The following PDE4A variants were observed in gnomAD, a reference collection of about 807,000 sequenced individuals.
PDE4A encodes phosphodiesterase 4A.
In PDE4A, 21 loss-of-function variants were observed where a neutral mutation model predicts 73.9. That is an observed-to-expected ratio of 0.28 (90% CI 0.20 to 0.41). The LOEUF is 0.41. Among genes scored for constraint, PDE4A ranks in the 10% least tolerant of loss-of-function variants. The pLI is 1.00. For missense variants in PDE4A, 958 were observed against 1,211.4 expected (o/e 0.79, Z 3.10); for synonymous variants, 463 against 505.4 (o/e 0.92, Z 1.13).
intron 1 of PDE4A, chr19:10,431,008 C>A (rs772476359): frequency 6.3e-7 from 1 of 1,579,008 alleles, no homozygotes. Context: ...TTCGCCAGCC[C>A]GTCCCCAACT....
At position 10,431,123 on chromosome 19, in the gene PDE4A, C is replaced by T. The variant is rs777384987; in HGVS notation, c.320+10039C>T. On this transcript the variant is annotated intron_variant, in intron 1 of 14. Coordinates refer to ENST00000380702, the MANE Select transcript of PDE4A (RefSeq NM_001111307.2). Reference sequence around the variant, plus strand: ...GCTGGTGGCCGTGGGTTCAAGTCGCCCCTGGCCACCTGGCGCACTCCAGGG... The same window carrying T: ...GCTGGTGGCCGTGGGTTCAAGTCGCTCCTGGCCACCTGGCGCACTCCAGGG... The T allele has an allele frequency of 3.6e-6, 5 of 1,402,282 alleles. No homozygotes were observed. In the South Asian group the frequency reaches 7.1e-5, roughly 20 times the overall value. The allele number at this position is 1,402,282 out of a possible 1,614,324, so 86.9% of individuals were successfully genotyped here. A position where few individuals can be genotyped will look rare whatever the true frequency, so the allele number is the denominator to read the frequency against.
At chr19:10,461,501 C>T in intron 11 of PDE4A, 25 bp from the exon 12 acceptor site, 1 of 1,611,758 alleles carries the variant, frequency 6.2e-7, no homozygotes, top group Non-Finnish European at 8.5e-7. Context: ...GTGGGCCCTC[C>T]CCTGACCTCC....
intron 2 of PDE4A, 121 bp from the exon 3 acceptor site, chr19:10,448,796 C>T: frequency 6.5e-7 from 1 of 1,531,854 alleles, no homozygotes; most frequent in Admixed American, 2.1e-5. Flanking sequence ...GTGTTCTTTC[C>T]CTAGGTCCCA....
chr19:10,436,932 G>A (rs540509682), intron 1 of PDE4A, among the ~76,000 whole-genome samples: 8 of 152,132 alleles, frequency 5.3e-5, no homozygotes, highest in African/African-American at 1.7e-4. Context: ...CCAGCTACTC[G>A]AGAGACTGAG....
At chr19:10,441,684 A>G (rs201229274) in intron 1 of PDE4A, among the ~76,000 whole-genome samples, 5 of 92,730 alleles carry the variant, frequency 5.4e-5, no homozygotes. Flanking sequence ...ATTTTGAGTT[A>G]TTTTTTTTTT....
rs2043128585 is a variant in PDE4A, at chr19:10,453,631, T to C, written c.784-1198T>C. Among the ~76,000 whole-genome samples the C allele has an allele frequency of 6.6e-6, 1 of 152,102 alleles. No individual in the cohort carries two copies. Among genetic ancestry groups the C allele is most frequent in the African/African-American group, 2.4e-5 (1 of 41,394 alleles). ...GTTTGCCTGGGTCACTGTGTGGCCC[T>C]GTCTGAGATCATCTGGCTCTGACCA... On this transcript the variant is annotated intron_variant, in intron 6 of 14. Transcript: ENST00000380702. This position sits in a 1 kb window ranked among gnomAD's most constrained non-coding sequence, Gnocchi z 4.6.
intron 1 of PDE4A, 177 bp downstream of exon 1, chr19:10,421,261 G>A: frequency 5.1e-6 from 5 of 985,384 alleles, no homozygotes; most frequent in Non-Finnish European, 6.0e-6. Context: ...GCGCTCTACG[G>A]GAGGCTTCCT....
chr19:10,431,108 G>T, intron 1 of PDE4A: 1 of 1,466,226 alleles, frequency 6.8e-7, no homozygotes, highest in Non-Finnish European at 9.0e-7. Flanking sequence ...GCTGGTGGCC[G>T]TGGGTTCAAG....
intron 1 of PDE4A, among the ~76,000 whole-genome samples, chr19:10,441,553 C>T (rs1201052237): frequency 6.6e-6 from 1 of 152,056 alleles, no homozygotes; most frequent in Admixed American, 6.6e-5. Flanking sequence ...TTGAAGTCCA[C>T]TTGTTTGTTA....
rs199806852 is a variant in PDE4A at position 10,421,097 on chromosome 19, G to T, written c.320+13G>T. On this transcript the variant is annotated intron_variant, in intron 1 of 14. Coordinates refer to ENST00000380702, the MANE Select transcript of PDE4A (RefSeq NM_001111307.2). ...GCAGCAGCAGGCGGTAAGACTCCCC[G>T]CGGCGGATGCGCGCGGAACGGATGG... 9.0e-5 allele frequency: 122 copies of T among 1,362,446 alleles called. No homozygotes were observed. Among genetic ancestry groups the T allele is most frequent in the Non-Finnish European group, 1.1e-4 (116 of 1,065,856 alleles). 84.4% of individuals were successfully genotyped at this position (1,362,446 alleles called of 1,614,324 possible).
rs566395241 is a variant in PDE4A, at chr19:10,433,693, A to G, written c.321-12525A>G. On this transcript the variant is annotated intron_variant, in intron 1 of 14. Coordinates refer to ENST00000380702, the MANE Select transcript of PDE4A (RefSeq NM_001111307.2). ...CAGTCTCTTACATACTCAGCCCCCCAAAGAGCTGTGTCACCTGGCACTACG... is the reference window on the plus strand; with the variant it reads ...CAGTCTCTTACATACTCAGCCCCCCGAAGAGCTGTGTCACCTGGCACTACG... Among the ~76,000 whole-genome samples, 94 of 152,272 alleles carry G rather than the reference A, an allele frequency of 6.2e-4. 1 individual carries two copies. Among genetic ancestry groups the G allele is most frequent in the African/African-American group, 2.2e-3 (92 of 41,540 alleles).
rs1237820813 is a variant in PDE4A, at chr19:10,462,401, G to A, written c.1743+402G>A. 4.8e-4 allele frequency among the ~76,000 whole-genome samples: 39 copies of A among 81,698 alleles called. No homozygotes were observed. In the East Asian group the frequency reaches 5.3e-3, roughly 11 times the overall value. 53.6% of individuals were successfully genotyped at this position (81,698 alleles called of 152,430 possible). On this transcript the variant is annotated intron_variant, in intron 13 of 14. Coordinates refer to ENST00000380702, the MANE Select transcript of PDE4A (RefSeq NM_001111307.2). ...TCCCGACCTCAGGTGATCCCCCCCCGCCCCCCGCCTTGGCCTCCCAAAGTG... is the reference window on the plus strand; with the variant it reads ...TCCCGACCTCAGGTGATCCCCCCCCACCCCCCGCCTTGGCCTCCCAAAGTG...
intron 1 of PDE4A, among the ~76,000 whole-genome samples, chr19:10,442,183 A>G (rs1430337322): frequency 6.6e-6 from 1 of 152,096 alleles, no homozygotes; most frequent in Non-Finnish European, 1.5e-5. Context: ...AGGTCAGCCT[A>G]TAGAGAGTCA....
At chr19:10,419,783 T>A (rs984327575), upstream of PDE4A, among the ~76,000 whole-genome samples, 2 of 151,856 alleles carry the variant, frequency 1.3e-5, no homozygotes, top group African/African-American at 4.8e-5. Flanking sequence ...CACAAACGCA[T>A]CCAAGCGCTT....
intron 6 of PDE4A, among the ~76,000 whole-genome samples, chr19:10,451,223 T>G (rs1433417948): frequency 1.3e-5 from 2 of 151,778 alleles, no homozygotes; most frequent in East Asian, 1.9e-4. Context: ...GGGGCCAATC[T>G]CTGGGTAGGG....
At chr19:10,421,309 C>T in intron 1 of PDE4A, 9 of 985,364 alleles carry the variant, frequency 9.1e-6, no homozygotes, top group Non-Finnish European at 1.1e-5. Context: ...GGGGGCGCCA[C>T]GCTGCGCGTG....
intron 14 of PDE4A, 124 bp from the exon 15 acceptor site, chr19:10,466,763 G>A (rs1280424180): frequency 9.7e-6 from 14 of 1,448,036 alleles, no homozygotes; most frequent in Non-Finnish European, 9.2e-7. Context: ...CAAAGTGCTG[G>A]GATTATAGAC....
At chr19:10,443,427 C>T (rs1023677698) in intron 1 of PDE4A, among the ~76,000 whole-genome samples, 4 of 151,930 alleles carry the variant, frequency 2.6e-5, no homozygotes, top group African/African-American at 4.8e-5. Context: ...TGCCTGTAGA[C>T]CCAGCTGCTT....
upstream of PDE4A, chr19:10,417,725 C>T: frequency 6.3e-7 from 1 of 1,591,630 alleles, no homozygotes; most frequent in South Asian, 1.1e-5. Flanking sequence ...GTCGCCCTCG[C>T]CGCCGCCTCT....
Sources: allele counts gnomAD v4.1 joint callset (sites outside exome capture counted in the v4.1 genomes callset), GRCh38; gene constraint gnomAD v4.1.1; non-coding constraint Gnocchi (gnomAD v3.1); transcripts MANE v1.5; gene names NCBI Gene and HGNC (gene_info 2026-07-23, HGNC 2026-07-21).